The following DNAH6 variants were observed in gnomAD, a reference collection of about 807,000 sequenced individuals.
DNAH6 encodes the protein dynein axonemal heavy chain 6.
In DNAH6, 340 loss-of-function variants were observed where a neutral mutation model predicts 491.4. The ratio of observed to expected loss-of-function variants is 0.69; its 90% CI spans 0.63 to 0.76. The LOEUF (loss-of-function observed/expected upper bound fraction) is 0.76. DNAH6 is among the 30% of genes least tolerant of loss of function. The probability of loss-of-function intolerance (pLI) is 0.00; values close to 1 mark genes in which losing one functional copy is unlikely to be tolerated. For missense variants in DNAH6, 4,443 were observed against 4,972.2 expected, an observed-to-expected ratio of 0.89 and a Z score of 3.20; for synonymous variants, 1,603 against 1,686.1, an observed-to-expected ratio of 0.95 and a Z score of 1.21.
intron 41 of DNAH6, among the ~76,000 whole-genome samples, chr2:84,679,190 GT>G (rs141578634): frequency 0.03 from 4,516 of 152,300 alleles, 84 homozygotes; most frequent in Middle Eastern, 0.048. Context: ...TATATATAAT[GT>G]TTTCAATAAC....
At chr2:84,662,937 C>T (rs1384368657) in intron 37 of DNAH6, among the ~76,000 whole-genome samples, 1 of 152,178 alleles carries the variant, frequency 6.6e-6, no homozygotes, top group Non-Finnish European at 1.5e-5. Context: ...GCAATATTTG[C>T]TGTTCTGCAG....
intron 68 of DNAH6, among the ~76,000 whole-genome samples, chr2:84,791,966 T>A (rs983225684): frequency 1.3e-5 from 2 of 152,104 alleles, no homozygotes; most frequent in East Asian, 3.8e-4. Context: ...AGCCAAAATA[T>A]GGAAACAACC....
At position 84,686,572 on chromosome 2, in the gene DNAH6, T is replaced by C. The variant is rs1369896098; in HGVS notation, c.7137+15T>C. The C allele has an allele frequency of 3.6e-6, 5 of 1,376,306 alleles. No homozygotes were observed. In the South Asian group the frequency reaches 5.3e-5, roughly 15 times the overall value. The allele number at this position is 1,376,306 out of a possible 1,614,324, so 85.3% of individuals were successfully genotyped here. On this transcript the variant is annotated intron_variant, in intron 44 of 76. Transcript: ENST00000389394. Reference sequence around the variant, plus strand: ...ATTTCATTAAGGCAAGTATGTTAGATTGACTTGACCTCATTTGAAAATTGT... The same window carrying C: ...ATTTCATTAAGGCAAGTATGTTAGACTGACTTGACCTCATTTGAAAATTGT...
Position 84,669,526 on chromosome 2 carries a change from C to G in DNAH6, c.6306+16C>G, listed in dbSNP as rs549074524. On this transcript the variant is annotated intron_variant, in intron 38 of 76. Transcript: ENST00000389394. Reference sequence around the variant, plus strand: ...AGTGGGCAAGGTAGGAAACTTACATCAAACAAGAAGTCCTCTCCAAATGTG... The same window carrying G: ...AGTGGGCAAGGTAGGAAACTTACATGAAACAAGAAGTCCTCTCCAAATGTG... 324 of 1,545,672 alleles carry G rather than the reference C, an allele frequency of 2.1e-4. No individual in the cohort carries two copies. The highest frequency in any genetic ancestry group is 2.6e-4 in the Non-Finnish European group (301 of 1,141,720).
intron 4 of DNAH6, among the ~76,000 whole-genome samples, chr2:84,539,000 T>C (rs1677977909): frequency 6.6e-6 from 1 of 152,090 alleles, no homozygotes; most frequent in Non-Finnish European, 1.5e-5. Context: ...ATTAGGTATA[T>C]ATATTATGCA....
intron 37 of DNAH6, among the ~76,000 whole-genome samples, chr2:84,661,349 G>T (rs1691491036): frequency 6.6e-6 from 1 of 151,644 alleles, no homozygotes; most frequent in Non-Finnish European, 1.5e-5. Context: ...AATAAGGCAA[G>T]AAAAAGAAAT....
At chr2:84,553,697 T>G (rs996946936) in intron 10 of DNAH6, among the ~76,000 whole-genome samples, 7 of 145,264 alleles carry the variant, frequency 4.8e-5, no homozygotes, top group African/African-American at 1.5e-4. Context: ...CTTGAACTCC[T>G]GGGCTCAAGT....
At position 84,637,248 on chromosome 2, in the gene DNAH6, G is replaced by A. The variant is rs568712386; in HGVS notation, c.4692G>A (p.Leu1564=). The A allele has an allele frequency of 2.7e-5, 42 of 1,549,830 alleles. No individual in the cohort carries two copies. The African/African-American group carries it at 5.5e-4, about 20-fold the overall frequency. ...RFMFEGREIK[L]VMTCAAFITM... Reference sequence around the variant, plus strand: ...TGTTTGAGGGGCGGGAAATAAAGTTGGTGATGACTTGTGCAGCCTTCATCA... The same window carrying A: ...TGTTTGAGGGGCGGGAAATAAAGTTAGTGATGACTTGTGCAGCCTTCATCA... The change falls in exon 31 of 77, where the codon TTG becomes TTA. Residue 1564 remains leucine, a synonymous_variant. Coordinates refer to ENST00000389394, the MANE Select transcript of DNAH6 (RefSeq NM_001370.2).
At chr2:84,565,279 C>T (rs1681070462) in intron 11 of DNAH6, among the ~76,000 whole-genome samples, 1 of 151,208 alleles carries the variant, frequency 6.6e-6, no homozygotes, top group Non-Finnish European at 1.5e-5. Flanking sequence ...CTGGTACCAG[C>T]TCTTTGTATA....
chr2:84,811,978 C>T (rs910172346), intron 72 of DNAH6, among the ~76,000 whole-genome samples: 2 of 152,196 alleles, frequency 1.3e-5, no homozygotes, highest in Non-Finnish European at 2.9e-5. Context: ...TCCCCCTCCT[C>T]CTCACACTCT....
chr2:84,662,790 C>A (rs1164168549), intron 37 of DNAH6, among the ~76,000 whole-genome samples: 2 of 152,190 alleles, frequency 1.3e-5, no homozygotes, highest in Non-Finnish European at 1.5e-5. Flanking sequence ...GATCTGACAG[C>A]AGACAGACTG....
intron 68 of DNAH6, among the ~76,000 whole-genome samples, chr2:84,795,133 A>G (rs1326405140): frequency 1.5e-5 from 2 of 137,142 alleles, no homozygotes; most frequent in African/African-American, 5.5e-5. Context: ...AACAATGAGA[A>G]CACATGGACA....
intron 64 of DNAH6, among the ~76,000 whole-genome samples, chr2:84,767,603 A>G (rs1312443413): frequency 1.3e-5 from 2 of 152,128 alleles, no homozygotes; most frequent in Admixed American, 1.3e-4. Flanking sequence ...TAAGAATTCA[A>G]TATATCAATT....
At chr2:84,495,224 G>T in the DNAH6 span, among the ~76,000 whole-genome samples, 1 of 152,164 alleles carries the variant, frequency 6.6e-6, no homozygotes, top group Non-Finnish European at 1.5e-5. Context: ...GAATGCAATG[G>T]CAGTCTCGGC....
In DNAH6 at chr2:84,816,030, A is replaced by G; in HGVS notation, c.12320A>G (p.Tyr4107Cys). The G allele has an allele frequency of 6.4e-7, 1 of 1,551,712 alleles. No individual in the cohort carries two copies. Among genetic ancestry groups the G allele is most frequent in the Non-Finnish European group, 8.7e-7 (1 of 1,147,008 alleles). The change falls in exon 76 of 77, where the codon TAC becomes TGC. Residue 4107 changes from tyrosine to cysteine, a missense_variant. By Grantham distance (194) the Tyr-to-Cys change is radical (BLOSUM62 -2). Around this residue, in one of 3 missense-constraint regions of DNAH6, gnomAD observed 1,463 missense variants for 1,656.6 expected, o/e 0.88. Transcript: ENST00000389394. ...AACTATAAGCCAAGCCCAACACTTT[A>G]CCACTGCCCACTTTATAAAACAGGA... ...QQNYKPSPTL[Y>C]HCPLYKTGAR...
intron 22 of DNAH6, among the ~76,000 whole-genome samples, chr2:84,613,611 G>T (rs1310384868): frequency 6.6e-6 from 1 of 152,050 alleles, no homozygotes; most frequent in Non-Finnish European, 1.5e-5. Flanking sequence ...CCACAATTTT[G>T]GCATTTAAAG....
intron 16 of DNAH6, among the ~76,000 whole-genome samples, chr2:84,589,290 T>G (rs1166507974): frequency 6.6e-6 from 1 of 152,246 alleles, no homozygotes; most frequent in African/African-American, 2.4e-5. Flanking sequence ...TTAAGTAATA[T>G]TCAGGCTTCC....
At chr2:84,511,252 G>A in the DNAH6 span, among the ~76,000 whole-genome samples, 2 of 152,144 alleles carry the variant, frequency 1.3e-5, no homozygotes, top group African/African-American at 2.4e-5. Flanking sequence ...CTTTGTTTAC[G>A]TACTCAAGCT....
chr2:84,720,960 C>A (rs1280811895), intron 59 of DNAH6, among the ~76,000 whole-genome samples: 1 of 152,124 alleles, frequency 6.6e-6, no homozygotes, highest in Non-Finnish European at 1.5e-5. Flanking sequence ...GTGTTTCCTG[C>A]CACTTCTTGG....
Sources: allele counts gnomAD v4.1 joint callset (sites outside exome capture counted in the v4.1 genomes callset), GRCh38; gene constraint gnomAD v4.1.1; regional missense constraint gnomAD v4.1.1; transcripts MANE v1.5; gene names NCBI Gene and HGNC (gene_info 2026-07-23, HGNC 2026-07-21).